FAT2: variants seen among roughly 807,000 people sequenced by gnomAD.
The protein encoded by FAT2 is FAT atypical cadherin 2.
In FAT2, 150 loss-of-function variants were observed where a neutral mutation model predicts 295.3. The ratio of observed to expected loss-of-function variants is 0.51; its 90% CI spans 0.44 to 0.58. The LOEUF (loss-of-function observed/expected upper bound fraction) is 0.58. FAT2 is among the 20% of genes least tolerant of loss of function. The pLI is 0.00. For synonymous variants in FAT2, 2,026 were observed against 2,150.3 expected (o/e 0.94, Z 1.60); for missense variants, 4,868 against 5,442.7 (o/e 0.89, Z 3.32).
Position 151,517,713 on chromosome 5 carries a change from C to T in FAT2, c.11370G>A (p.Ala3790=), listed in dbSNP as rs374996658. 2.7e-5 allele frequency: 44 copies of T among 1,614,080 alleles called. No individual in the cohort carries two copies. Among genetic ancestry groups the T allele is most frequent in the African/African-American group, 2.4e-4 (18 of 74,922 alleles). ...AGAAATGGATGTGCCAGTTCCGAGC[C>T]GCTGGGGCCCTGTACCGCACATAGC... ...GQSYVRYRAP[A]ARNWHIHFYL... The change falls in exon 20 of 24, where the codon GCG becomes GCA. Residue 3790 remains alanine, a synonymous_variant. Coordinates refer to ENST00000261800, the MANE Select transcript of FAT2 (RefSeq NM_001447.3).
chr5:151,546,111 T>C lies in FAT2; in HGVS notation c.5016A>G (p.Ser1672=), dbSNP rs1403950448. 1.9e-6 allele frequency: 3 copies of C among 1,614,174 alleles called. No individual in the cohort carries two copies. The highest frequency in any genetic ancestry group is 2.5e-6 in the Non-Finnish European group (3 of 1,180,030). Residue 1672 remains serine, a synonymous_variant, in exon 10 of 24, where the codon TCA becomes TCG. Coordinates refer to ENST00000261800, the MANE Select transcript of FAT2 (RefSeq NM_001447.3). The stretch of plus-strand genomic sequence containing the variant: ...GGAGGATTGGGGAACCAACAGGGAT[T>C]GATTCAGGGATCTCTACAAAGTACT... ...KSEYFVEIPE[S]IPVGSPILLV... is the part of the protein sequence containing the mutation.
Position 151,528,029 on chromosome 5 carries a change from C to T in FAT2, c.10131G>A (p.Glu3377=), listed in dbSNP as rs747475799. 34 of 1,614,244 alleles carry T rather than the reference C, an allele frequency of 2.1e-5. No individual in the cohort carries two copies. Among genetic ancestry groups the T allele is most frequent in the Non-Finnish European group, 2.5e-5 (30 of 1,180,044 alleles). The change falls in exon 16 of 24, where the codon GAG becomes GAA. Residue 3377 remains glutamate (E), a synonymous_variant. Transcript: ENST00000261800. ...GHFTIHPKKG[E]LQVAKALDRE... ...GGTCCAGGGCCTTGGCCACCTGTAG[C>T]TCCCCCTTTTTGGGGTGAATGGTGA...
Position 151,540,517 on chromosome 5 carries a change from CT to C in FAT2, c.9039+49del, listed in dbSNP as rs369362073. On this transcript the variant is annotated intron_variant, in intron 11 of 23. Transcript: ENST00000261800. ...ACTCTCTGTTCTCCCACCCCTCACT[CT>C]TATCTTCCTTGCCTTCACTACCCAC... 359 of 1,546,916 alleles carry C rather than the reference CT, an allele frequency of 2.3e-4. 2 individuals carry two copies. In the African/African-American group the frequency reaches 4.4e-3, roughly 19 times the overall value.
chr5:151,551,486 G>A lies in FAT2; in HGVS notation c.4277C>T (p.Ser1426Phe), dbSNP rs2127623446. The change falls in exon 7 of 24, where the codon TCC (serine) becomes TTC (phenylalanine). Residue 1426 changes from serine to phenylalanine, a missense_variant. Physicochemically the swap from Ser to Phe is radical, Grantham distance 155 (BLOSUM62 -2). Around this residue, in one of 5 missense-constraint regions of FAT2, gnomAD observed 3,297 missense variants for 3,669.4 expected, o/e 0.90. Transcript: ENST00000261800. ...YNLTVEVTDG[S>F]RTIATQVHIF... Reference sequence around the variant, plus strand: ...TCTAACCTGTGTGGCAATGGTGCGGGACCCATCTGTCACCTCAACAGTCAA... The same window carrying A: ...TCTAACCTGTGTGGCAATGGTGCGGAACCCATCTGTCACCTCAACAGTCAA... 6.2e-7 allele frequency: 1 copy of A among 1,614,156 alleles called. No homozygotes were observed. Among genetic ancestry groups the A allele is most frequent in the East Asian group, 2.2e-5 (1 of 44,896 alleles).
chr5:151,565,394 A>G (rs1758202141), intron 2 of FAT2, among the ~76,000 whole-genome samples: 1 of 152,088 alleles, frequency 6.6e-6, no homozygotes, highest in African/African-American at 2.4e-5. Flanking sequence ...TCGTTTTTAA[A>G]TTTTATATAA....
Position 151,544,206 on chromosome 5 carries a change from G to C in FAT2, c.6921C>G (p.Val2307=), listed in dbSNP as rs1389447815. The change falls in exon 10 of 24, where the codon GTC becomes GTG. Residue 2307 remains valine (V), a synonymous_variant. Transcript: ENST00000261800. ...AGCCATCCTCCACAATCTGATAAGA[G>C]ACGTCACGGTTCCGCCCTGAGTCCT... ...SDQDSGRNRD[V]SYQIVEDGSD... The C allele has an allele frequency of 6.2e-7, 1 of 1,614,210 alleles. No individual in the cohort carries two copies. Among genetic ancestry groups the C allele is most frequent in the Admixed American group, 1.7e-5 (1 of 60,026 alleles).
rs201481988 is a variant in FAT2, at chr5:151,568,332, G to A, written c.600C>T (p.Ser200=). 110 of 1,614,024 alleles carry A rather than the reference G, an allele frequency of 6.8e-5. No individual in the cohort carries two copies. The highest frequency in any genetic ancestry group is 8.3e-5 in the Admixed American group (5 of 59,998). Residue 200 remains serine, a synonymous_variant, in exon 2 of 24, where the codon AGC becomes AGT. Coordinates refer to ENST00000261800, the MANE Select transcript of FAT2 (RefSeq NM_001447.3). ...GCTTCCCAGCCACAGTGACCACACCGCTGGTGGGATGGATGGCAAACATCT... is the reference window on the plus strand; with the variant it reads ...GCTTCCCAGCCACAGTGACCACACCACTGGTGGGATGGATGGCAAACATCT... ...RSEMFAIHPT[S]GVVTVAGKLN...
At chr5:151,510,195 G>A (rs779689954) in intron 21 of FAT2, 21 bp from the exon 22 acceptor site, 5 of 1,613,364 alleles carry the variant, frequency 3.1e-6, no homozygotes, top group Non-Finnish European at 4.2e-6. Context: ...AAGAAGGGAG[G>A]TGAGAGACCG....
chr5:151,517,117 AAAAAG>A (rs1404324184), intron 20 of FAT2, among the ~76,000 whole-genome samples: 1 of 152,170 alleles, frequency 6.6e-6, no homozygotes, highest in Non-Finnish European at 1.5e-5. Flanking sequence ...CAAAAAAAAA[AAAAAG>A]AAAAAAGAAA....
At position 151,543,806 on chromosome 5, in the gene FAT2, G is replaced by A; in HGVS notation, c.7321C>T (p.Leu2441Phe). Residue 2441 changes from leucine to phenylalanine, a missense_variant, in exon 10 of 24, where the codon CTT becomes TTT. Leu to Phe is a conservative substitution (Grantham distance 22, BLOSUM62 0). Transcript: ENST00000261800. Reference sequence around the variant, plus strand: ...GAAGAGTCCAGGTGCTTTTTGCAAAGGTTGAACATAGAAATTATTCCCGAT... The same window carrying A: ...GAAGAGTCCAGGTGCTTTTTGCAAAAGTTGAACATAGAAATTATTCCCGAT... ...SSSGIISMFN[L>F]CKKHLDSSYN... The A allele has an allele frequency of 6.2e-7, 1 of 1,614,170 alleles. No individual in the cohort carries two copies. Among genetic ancestry groups the A allele is most frequent in the Non-Finnish European group, 8.5e-7 (1 of 1,180,046 alleles).
intron 1 of FAT2, among the ~76,000 whole-genome samples, chr5:151,574,081 C>A (rs1021098728): frequency 6.6e-6 from 1 of 152,230 alleles, no homozygotes; most frequent in Non-Finnish European, 1.5e-5. Context: ...ACGAGCCCCC[C>A]AATGGCAGCG....
At chr5:151,516,086 T>C (rs1473608360) in intron 20 of FAT2, among the ~76,000 whole-genome samples, 1 of 152,206 alleles carries the variant, frequency 6.6e-6, no homozygotes, top group Non-Finnish European at 1.5e-5. Flanking sequence ...GGCTTTCACA[T>C]TGCTATTCCC....
In FAT2 at chr5:151,545,971, T is replaced by C; in HGVS notation, c.5156A>G (p.Asp1719Gly). The C allele has an allele frequency of 6.2e-7, 1 of 1,614,158 alleles. No individual in the cohort carries two copies. The highest frequency in any genetic ancestry group is 8.5e-7 in the Non-Finnish European group (1 of 1,180,038). Residue 1719 changes from aspartate (D) to glycine (G), a missense_variant, in exon 10 of 24, where the codon GAC becomes GGC. By Grantham distance (94) the Asp-to-Gly change is moderately conservative. Around this residue, in one of 5 missense-constraint regions of FAT2, gnomAD observed 3,297 missense variants for 3,669.4 expected, o/e 0.90. Transcript: ENST00000261800. ...CTGGTAAGACGAGATTTTCTCATGG[T>C]CCAATTTCTTCTGGGTGGAAATAAG... is the stretch of plus-strand genomic sequence containing the variant. ...SGLISTQKKL[D>G]HEKISSYQLK...
Position 151,521,725 on chromosome 5 carries a change from C to T in FAT2, c.10868G>A (p.Gly3623Glu), listed in dbSNP as rs778945316. The T allele has an allele frequency of 6.2e-7, 1 of 1,613,980 alleles. No individual in the cohort carries two copies. Among genetic ancestry groups the T allele is most frequent in the Non-Finnish European group, 8.5e-7 (1 of 1,180,010 alleles). Residue 3623 changes from glycine to glutamate, a missense_variant, in exon 19 of 24, where the codon GGG (glycine) becomes GAG (glutamate). By Grantham distance (98) the Gly-to-Glu change is moderately conservative. Transcript: ENST00000261800. ...AGVHVYVWHV[G>E]QEALQQAMWM... ...CATGGCCTGCTGCAGAGCCTCCTGC[C>T]CCACATGCCACACGTACACATGGAC...
intron 1 of FAT2, among the ~76,000 whole-genome samples, chr5:151,588,029 T>G (rs1759245170): frequency 6.6e-6 from 1 of 152,200 alleles, no homozygotes; most frequent in Non-Finnish European, 1.5e-5. Flanking sequence ...CAATGATTCT[T>G]CAAGGGAGAC....
At position 151,580,310 on chromosome 5, in the gene FAT2, C is replaced by T. The variant is rs55876761; in HGVS notation, c.-21+10855G>A. On this transcript the variant is annotated intron_variant, in intron 1 of 23. Coordinates refer to ENST00000261800, the MANE Select transcript of FAT2 (RefSeq NM_001447.3). ...AGACCTGCCCTCAGTACTGCCTCCA[C>T]TTGCATTGAGGGGCAAAGCTGAGCC... Among the ~76,000 whole-genome samples the T allele has an allele frequency of 6.6e-4, 101 of 152,340 alleles. 2 individuals carry two copies. Among genetic ancestry groups the T allele is most frequent in the Non-Finnish European group, 7.2e-4 (49 of 68,032 alleles).
chr5:151,533,240 T>C (rs1561836919), intron 13 of FAT2, among the ~76,000 whole-genome samples: 1 of 152,138 alleles, frequency 6.6e-6, no homozygotes. Context: ...AAGCAGTGGC[T>C]AATGGAGCAC....
Position 151,531,957 on chromosome 5 carries a change from C to T in FAT2, c.9441G>A (p.Gln3147=), listed in dbSNP as rs2127591973. The T allele has an allele frequency of 6.2e-7, 1 of 1,614,194 alleles. No individual in the cohort carries two copies. Residue 3147 remains glutamine (Q), a synonymous_variant, in exon 14 of 24, where the codon CAG becomes CAA. Coordinates refer to ENST00000261800, the MANE Select transcript of FAT2 (RefSeq NM_001447.3). This position sits in a 1 kb window ranked among gnomAD's most constrained non-coding sequence, Gnocchi z 5.7. Reference sequence around the variant, plus strand: ...CTGAATCCGGCAGAGAGTAAACCACCTGGGCATTGGCGCCTGGCAGGGAGA... The same window carrying T: ...CTGAATCCGGCAGAGAGTAAACCACTTGGGCATTGGCGCCTGGCAGGGAGA... ...ARDPDQGANA[Q]VVYSLPDSAE... is the part of the protein sequence containing the mutation.
intron 17 of FAT2, among the ~76,000 whole-genome samples, chr5:151,526,777 T>G (rs1754052086): frequency 2.6e-5 from 4 of 152,168 alleles, no homozygotes; most frequent in Admixed American, 2.6e-4. Flanking sequence ...CTCTGCCTTT[T>G]TATTCACTCC....
Sources: gnomAD v4.1 joint callset for allele counts (sites outside exome capture counted in the v4.1 genomes callset) on GRCh38, gnomAD v4.1.1 for gene constraint, gnomAD v4.1.1 regional missense constraint, Gnocchi (gnomAD v3.1) non-coding constraint, MANE v1.5 for transcripts, NCBI Gene and HGNC (gene_info 2026-07-23, HGNC 2026-07-21) for gene names.